The following ADGRB3 variants were observed in gnomAD, a reference collection of about 807,000 sequenced individuals.
ADGRB3 encodes brain-specific angiogenesis inhibitor 3.
Under a neutral mutation model 193.4 loss-of-function variants are expected in ADGRB3, and 37 were observed. The observed-to-expected ratio is 0.19, with a 90% CI of 0.15 to 0.25. ADGRB3 has a LOEUF of 0.25. ADGRB3 is among the 10% of genes least tolerant of loss of function. ADGRB3 has a pLI of 1.00. For missense variants in ADGRB3, 1,637 were observed against 1,852.9 expected (o/e 0.88, Z 2.14); for synonymous variants, 690 against 644.2 (o/e 1.07, Z -1.08).
At chr6:69,206,455 C>CCAT (rs1249752712) in intron 17 of ADGRB3, among the ~76,000 whole-genome samples, 1 of 152,052 alleles carries the variant, frequency 6.6e-6, no homozygotes, top group Non-Finnish European at 1.5e-5. Flanking sequence ...TCAGTATTAA[C>CCAT]CATCACAAGT....
At chr6:69,022,531 A>G (rs1225833273) in intron 13 of ADGRB3, among the ~76,000 whole-genome samples, 10 of 151,800 alleles carry the variant, frequency 6.6e-5, no homozygotes, top group Admixed American at 6.6e-4. Context: ...ATCTTTCTGA[A>G]GCTCCTATTT....
intron 17 of ADGRB3, among the ~76,000 whole-genome samples, chr6:69,102,584 G>T (rs1167838894): frequency 6.6e-6 from 1 of 152,168 alleles, no homozygotes; most frequent in Admixed American, 6.5e-5. Context: ...GGGAGCAGAG[G>T]CATTCATGTC....
At chr6:68,918,069 A>C (rs568259393) in intron 3 of ADGRB3, among the ~76,000 whole-genome samples, 2 of 152,224 alleles carry the variant, frequency 1.3e-5, no homozygotes, top group Non-Finnish European at 2.9e-5. Flanking sequence ...TAATTACTGG[A>C]AAAATGTCAG....
intron 20 of ADGRB3, among the ~76,000 whole-genome samples, chr6:69,259,308 G>A (rs1766859080): frequency 6.6e-6 from 1 of 152,156 alleles, no homozygotes; most frequent in Admixed American, 6.5e-5. Context: ...AATTAACCTT[G>A]TTGCTGCCAA....
At chr6:68,652,904 T>C (rs182899560) in intron 3 of ADGRB3, among the ~76,000 whole-genome samples, 1 of 152,256 alleles carries the variant, frequency 6.6e-6, no homozygotes, top group Admixed American at 6.5e-5. Context: ...TTGACATTAC[T>C]TAGATATCAG....
chr6:68,923,355 A>T (rs1313436784), intron 3 of ADGRB3, among the ~76,000 whole-genome samples: 1 of 152,056 alleles, frequency 6.6e-6, no homozygotes, highest in Non-Finnish European at 1.5e-5. Flanking sequence ...GAGATCTTTC[A>T]ACTCAATTGA....
intron 17 of ADGRB3, chr6:69,232,587 A>G: frequency 6.5e-7 from 1 of 1,535,722 alleles, no homozygotes; most frequent in Non-Finnish European, 8.7e-7. Flanking sequence ...CAAGGACGTC[A>G]GAGGCGAGCT....
chr6:68,903,305 A>G (rs1196243717), intron 3 of ADGRB3, among the ~76,000 whole-genome samples: 1 of 152,212 alleles, frequency 6.6e-6, no homozygotes, highest in African/African-American at 2.4e-5. Context: ...CTTAAAATTG[A>G]GAAATATCAA....
intron 11 of ADGRB3, among the ~76,000 whole-genome samples, chr6:69,002,355 A>C (rs1669161124): frequency 6.6e-6 from 1 of 151,612 alleles, no homozygotes. Flanking sequence ...AATAGCTGGG[A>C]CTACAGGTGC....
intron 3 of ADGRB3, among the ~76,000 whole-genome samples, chr6:68,853,923 C>T (rs565078121): frequency 7.6e-4 from 116 of 152,252 alleles, no homozygotes; most frequent in African/African-American, 2.7e-3. Flanking sequence ...AAATCCTTAA[C>T]CATGCATGTG....
intron 26 of ADGRB3, among the ~76,000 whole-genome samples, chr6:69,341,985 T>C (rs1263924081): frequency 6.6e-6 from 1 of 152,114 alleles, no homozygotes; most frequent in Non-Finnish European, 1.5e-5. Context: ...ATATGCAGGT[T>C]TTAAAGTGGC....
chr6:69,332,576 A>C, intron 23 of ADGRB3: 1 of 985,384 alleles, frequency 1.0e-6, no homozygotes, highest in Non-Finnish European at 1.2e-6. Flanking sequence ...ATAGGGTAAA[A>C]CTGCTTTAGC....
At chr6:69,106,756 T>C (rs1284268257) in intron 17 of ADGRB3, among the ~76,000 whole-genome samples, 1 of 152,216 alleles carries the variant, frequency 6.6e-6, no homozygotes, top group Non-Finnish European at 1.5e-5. Flanking sequence ...TTGCAGTATT[T>C]GGTAATGTAG....
chr6:68,806,655 T>C (rs917703257), intron 3 of ADGRB3, among the ~76,000 whole-genome samples: 8 of 151,616 alleles, frequency 5.3e-5, no homozygotes, highest in African/African-American at 1.9e-4. Flanking sequence ...ATATATTAAG[T>C]AAATATTTTA....
At position 69,073,690 on chromosome 6, in the gene ADGRB3, G is replaced by C. The variant is rs561089263; in HGVS notation, c.2437-2305G>C. Among the ~76,000 whole-genome samples the C allele has an allele frequency of 9.9e-5, 15 of 152,216 alleles. No individual in the cohort carries two copies. The East Asian group carries it at 2.1e-3, about 22-fold the overall frequency. On this transcript the variant is annotated intron_variant, in intron 16 of 31. Coordinates refer to ENST00000370598, the MANE Select transcript of ADGRB3 (RefSeq NM_001704.3). ...ATACTGCACAGGCCTTGGAAGTTCT[G>C]TCAGGGAGCCCTTCCCACCTGGCTG...
At chr6:69,264,150 T>C (rs17747612) in intron 20 of ADGRB3, among the ~76,000 whole-genome samples, 21,556 of 151,944 alleles carry the variant, frequency 0.14, 2,052 homozygotes, top group Middle Eastern at 0.23. Context: ...CTATATCCAA[T>C]TAAAATTTCT....
At chr6:69,209,688 G>A (rs958703479) in intron 17 of ADGRB3, among the ~76,000 whole-genome samples, 2 of 152,194 alleles carry the variant, frequency 1.3e-5, no homozygotes, top group African/African-American at 2.4e-5. Flanking sequence ...AAGGCAAATT[G>A]CTTCTGGTGG....
chr6:68,859,298 A>G (rs1322846564), intron 3 of ADGRB3, among the ~76,000 whole-genome samples: 4 of 152,168 alleles, frequency 2.6e-5, no homozygotes. Flanking sequence ...ACAAATCTCT[A>G]GGGAGTTTCA....
chr6:68,803,904 C>T (rs1767356501), intron 3 of ADGRB3, among the ~76,000 whole-genome samples: 2 of 152,150 alleles, frequency 1.3e-5, no homozygotes, highest in African/African-American at 4.8e-5. Flanking sequence ...TATCTTCATT[C>T]TCATTATCTT....
Sources: gnomAD v4.1 joint callset for allele counts (sites outside exome capture counted in the v4.1 genomes callset) on GRCh38, gnomAD v4.1.1 for gene constraint, MANE v1.5 for transcripts, NCBI Gene and HGNC (gene_info 2026-07-23, HGNC 2026-07-21) for gene names.